Variants in CUX1 observed in about 807,000 individuals in gnomAD.
CUX1 encodes cut like homeobox 1.
CUX1 carries 31 observed loss-of-function variants against 158.8 expected under a neutral mutation model. The ratio of observed to expected loss-of-function variants is 0.20; its 90% confidence interval spans 0.15 to 0.26. The LOEUF (loss-of-function observed/expected upper bound fraction) is 0.26, where lower values mean the gene tolerates loss of function less well. Ranked by LOEUF, CUX1 falls within the 10% of genes least tolerant of loss-of-function variation. The pLI, the probability that CUX1 is intolerant of heterozygous loss-of-function variation, is 1.00. For synonymous variants in CUX1, 879 were observed against 862.1 expected (o/e 1.02, Z -0.34); for missense variants, 1,589 against 2,014.6 (o/e 0.79, Z 4.04).
In CUX1 at chr7:101,943,657, C is replaced by T. The variant is rs149943491; in HGVS notation, c.141+27432C>T. Among the ~76,000 whole-genome samples the T allele has an allele frequency of 4.5e-3, 677 of 150,600 alleles. 6 individuals carry two copies. The highest frequency in any genetic ancestry group is 0.015 in the African/African-American group (605 of 40,892). ...CCACAAGTAGGTTGGGAACAGTGTCCCCTAATAGGATGAGTTTTGGGCTTT... is the reference window on the plus strand; with the variant it reads ...CCACAAGTAGGTTGGGAACAGTGTCTCCTAATAGGATGAGTTTTGGGCTTT... On this transcript the variant is annotated intron_variant, in intron 2 of 23. Coordinates refer to ENST00000292535, the MANE Select transcript of CUX1 (RefSeq NM_181552.4).
chr7:102,163,134 G>T (rs1030951835), intron 9 of CUX1, among the ~76,000 whole-genome samples: 3 of 152,136 alleles, frequency 2.0e-5, no homozygotes, highest in Non-Finnish European at 2.9e-5. Context: ...AAAAGAAGTG[G>T]AAGGTTAAAG....
intron 2 of CUX1, among the ~76,000 whole-genome samples, chr7:101,989,240 C>A (rs1027127815): frequency 6.6e-6 from 1 of 152,176 alleles, no homozygotes; most frequent in African/African-American, 2.4e-5. Flanking sequence ...AGCTGCAGAA[C>A]CGGAGACCTC....
intron 18 of CUX1, 140 bp from the exon 19 acceptor site, chr7:102,204,251 A>G (rs1586200823): frequency 9.2e-7 from 1 of 1,088,086 alleles, no homozygotes; most frequent in African/African-American, 1.6e-5. Context: ...ACAAGCTGTC[A>G]CCGCCACCAG....
At chr7:101,882,077 G>A (rs1039715692) in intron 1 of CUX1, among the ~76,000 whole-genome samples, 7 of 151,940 alleles carry the variant, frequency 4.6e-5, no homozygotes, top group East Asian at 1.9e-4. Flanking sequence ...CCATCTCCTC[G>A]GGAGGCTGAG....
At chr7:101,853,640 T>C (rs1283467248) in intron 1 of CUX1, among the ~76,000 whole-genome samples, 1 of 149,478 alleles carries the variant, frequency 6.7e-6, no homozygotes, top group Non-Finnish European at 1.5e-5. Context: ...AAGAGCAGTT[T>C]TGGTGGCCCC....
chr7:102,193,192 G>A (rs781812098), intron 12 of CUX1, among the ~76,000 whole-genome samples: 1 of 152,228 alleles, frequency 6.6e-6, no homozygotes, highest in African/African-American at 2.4e-5. Context: ...CCGCCCTGGT[G>A]GGTTCCCCTC....
chr7:101,872,946 C>T (rs955859016), intron 1 of CUX1, among the ~76,000 whole-genome samples: 2 of 152,086 alleles, frequency 1.3e-5, no homozygotes, highest in Non-Finnish European at 2.9e-5. Context: ...GATCTCAGCT[C>T]GCTGCAACCT....
intron 1 of CUX1, among the ~76,000 whole-genome samples, chr7:101,891,662 C>T (rs1776107052): frequency 1.3e-5 from 2 of 152,320 alleles, no homozygotes; most frequent in South Asian, 2.1e-4. Flanking sequence ...AAGACGCACT[C>T]ATAATCAGAA....
Position 102,195,572 on chromosome 7 carries a change from C to T in CUX1, c.1191C>T (p.Ala397=). 3 of 1,612,040 alleles carry T rather than the reference C, an allele frequency of 1.9e-6. No homozygotes were observed. The highest frequency in any genetic ancestry group is 2.7e-5 in the African/African-American group (2 of 75,050). Residue 397 remains alanine (A), a synonymous_variant, in exon 14 of 24, where the codon GCC becomes GCT. Transcript: ENST00000292535. ...ACCGCTCGCTGCAGTCCGAGAACGCCGCGCTGCGCATCTCCAACAGCGACC... is the reference window on the plus strand; with the variant it reads ...ACCGCTCGCTGCAGTCCGAGAACGCTGCGCTGCGCATCTCCAACAGCGACC... The part of the protein sequence containing the change: ...EKNRSLQSEN[A]ALRISNSDLS...
At chr7:102,043,921 G>C (rs1018188458) in intron 3 of CUX1, among the ~76,000 whole-genome samples, 3 of 152,070 alleles carry the variant, frequency 2.0e-5, no homozygotes, top group Non-Finnish European at 2.9e-5. Flanking sequence ...TCGTGGTTTT[G>C]AGTCAAATTT....
chr7:101,910,861 G>GT (rs1803356998), intron 1 of CUX1, among the ~76,000 whole-genome samples: 1 of 152,184 alleles, frequency 6.6e-6, no homozygotes, highest in Admixed American at 6.5e-5. Context: ...TTACATGGTA[G>GT]TTTTTTAATT....
intron 2 of CUX1, among the ~76,000 whole-genome samples, chr7:102,023,511 C>G (rs1819629541): frequency 6.6e-6 from 1 of 152,102 alleles, no homozygotes; most frequent in Non-Finnish European, 1.5e-5. Context: ...TCTCTGTTAC[C>G]CAGGCTGGAG....
At position 102,257,711 on chromosome 7, in the gene CUX1, A is replaced by G; in HGVS notation, c.*8669A>G. ...ACTCTCTATAAGCTCAGCTCCCCCC[A>G]CCCCACCCCCACTCTAGCGTTTTGT... On this transcript the variant is annotated 3_prime_UTR_variant, in exon 24 of 24. Coordinates refer to ENST00000292535, the MANE Select transcript of CUX1 (RefSeq NM_181552.4). The G allele has an allele frequency of 1.0e-6, 1 of 957,862 alleles. No homozygotes were observed. Among genetic ancestry groups the G allele is most frequent in the Non-Finnish European group, 1.2e-6 (1 of 806,424 alleles). 59.3% of individuals were successfully genotyped at this position (957,862 alleles called of 1,614,324 possible). A position where few individuals can be genotyped will look rare whatever the true frequency, so the allele number is the denominator to read the frequency against.
At chr7:101,891,544 C>T (rs943644688) in intron 1 of CUX1, among the ~76,000 whole-genome samples, 3 of 152,202 alleles carry the variant, frequency 2.0e-5, no homozygotes, top group Admixed American at 6.5e-5. Context: ...TCCCTTGACT[C>T]ACTTAATGAT....
At chr7:102,278,106 C>T in intron 18 of CUX1, 1 of 1,456,562 alleles carries the variant, frequency 6.9e-7, no homozygotes. Flanking sequence ...GTGGACCAGG[C>T]AGGGAGAGAG....
At chr7:101,912,449 T>C (rs113776550) in intron 1 of CUX1, among the ~76,000 whole-genome samples, 6,560 of 152,140 alleles carry the variant, frequency 0.043, 475 homozygotes, top group African/African-American at 0.15. Flanking sequence ...ACACTATGCA[T>C]TACCATTTGT....
intron 1 of CUX1, among the ~76,000 whole-genome samples, chr7:101,856,474 C>T (rs1431918587): frequency 1.3e-5 from 2 of 152,178 alleles, no homozygotes; most frequent in South Asian, 2.1e-4. Flanking sequence ...TAATGGAAGA[C>T]GAAGTGGACT....
At chr7:102,025,364 C>T (rs897943719) in intron 2 of CUX1, among the ~76,000 whole-genome samples, 2 of 152,186 alleles carry the variant, frequency 1.3e-5, no homozygotes, top group African/African-American at 2.4e-5. Flanking sequence ...TGGTGGCTCA[C>T]GCCTGTAATC....
In CUX1 at chr7:102,105,214, CAG is replaced by C. The variant is rs1386509259; in HGVS notation, c.530+757_530+758del. Among the ~76,000 whole-genome samples the C allele has an allele frequency of 1.7e-4, 26 of 149,804 alleles. 1 individual carries two copies. In the East Asian group the frequency reaches 3.5e-3, roughly 20 times the overall value. On this transcript the variant is annotated intron_variant, in intron 6 of 23. Transcript: ENST00000292535. Reference sequence around the variant, plus strand: ...ACACACACACACACACACACACACACAGACTCTCTGATGTATTTAATATTACA... The same window carrying C: ...ACACACACACACACACACACACACACACTCTCTGATGTATTTAATATTACA...
Sources: allele counts gnomAD v4.1 joint callset (sites outside exome capture counted in the v4.1 genomes callset), GRCh38; gene constraint gnomAD v4.1.1; transcripts MANE v1.5; gene names NCBI Gene and HGNC (gene_info 2026-07-23, HGNC 2026-07-21).